SYAP1: variants seen among roughly 807,000 people sequenced by gnomAD.
SYAP1 encodes synapse associated protein 1, also known as synapse-associated protein 1.
A neutral mutation model predicts 29.6 loss-of-function variants in SYAP1; 3 were observed. The observed-to-expected ratio is 0.10, with a 90% CI of 0.05 to 0.26. The LOEUF (loss-of-function observed/expected upper bound fraction) is 0.26. SYAP1 is among the 10% of genes least tolerant of loss of function. The pLI is 1.00. For missense variants in SYAP1, 217 were observed against 264.1 expected, an observed-to-expected ratio of 0.82 and a Z score of 1.24; for synonymous variants, 102 against 102.7, an observed-to-expected ratio of 0.99 and a Z score of 0.04.
In SYAP1 at chrX:16,760,755, A is replaced by G. The variant is rs1255055676; in HGVS notation, c.*396A>G. ...TTAATTGATATGAGGGTGTTAAAGT[A>G]CCTACTTAATGGGTTGATTACTATC... On this transcript the variant is annotated 3_prime_UTR_variant, in exon 9 of 9. Transcript: ENST00000380155. The G allele has an allele frequency of 8.9e-6, 1 of 112,721 alleles. No homozygotes were observed. The highest frequency in any genetic ancestry group is 1.9e-5 in the Non-Finnish European group (1 of 53,823). 9.3% of individuals were successfully genotyped at this position (112,721 alleles called of 1,213,427 possible).
intron 1 of SYAP1, 92 bp downstream of exon 1, chrX:16,719,991 G>A (rs1159458865): frequency 1.1e-6 from 1 of 914,155 alleles, no homozygotes; most frequent in East Asian, 3.6e-5. Context: ...GCTGGGGGAT[G>A]AGGGGGCCGA....
chrX:16,749,468 C>T (rs1011045715), intron 5 of SYAP1, among the ~76,000 whole-genome samples: 4 of 111,627 alleles, frequency 3.6e-5, no homozygotes, highest in Non-Finnish European at 5.6e-5. Flanking sequence ...CCTCTATGAC[C>T]GCACCTCTCA....
intron 5 of SYAP1, among the ~76,000 whole-genome samples, chrX:16,747,389 C>T (rs1471151701): frequency 8.9e-6 from 1 of 112,072 alleles, no homozygotes; most frequent in African/African-American, 3.2e-5. Flanking sequence ...ACCCAAGCTC[C>T]GGGGTGCAGA....
chrX:16,753,766 G>A (rs1173297696), intron 5 of SYAP1, among the ~76,000 whole-genome samples: 1 of 111,411 alleles, frequency 9.0e-6, no homozygotes, highest in Non-Finnish European at 1.9e-5. Context: ...TCATGACGGA[G>A]GTCATTTTCA....
At chrX:16,728,754 G>C (rs1196849700) in intron 1 of SYAP1, among the ~76,000 whole-genome samples, 1 of 110,365 alleles carries the variant, frequency 9.1e-6, no homozygotes, top group Non-Finnish European at 1.9e-5. Context: ...AGACACAGTT[G>C]AGGCTGGGCA....
At chrX:16,744,431 G>C (rs773743461) in intron 5 of SYAP1, among the ~76,000 whole-genome samples, 3 of 112,840 alleles carry the variant, frequency 2.7e-5, no homozygotes, top group South Asian at 3.6e-4. Context: ...CGCATGTTTG[G>C]AGTCAGCGTT....
chrX:16,754,495 C>G (rs982133743), intron 5 of SYAP1, among the ~76,000 whole-genome samples: 1 of 111,326 alleles, frequency 9.0e-6, no homozygotes, highest in Non-Finnish European at 1.9e-5. Context: ...TTTGGGAGGC[C>G]GAGGCGGGCA....
intron 3 of SYAP1, among the ~76,000 whole-genome samples, chrX:16,737,152 G>A (rs754199950): frequency 1.8e-5 from 2 of 111,682 alleles, no homozygotes; most frequent in South Asian, 3.7e-4. Flanking sequence ...GCCAAGGCGC[G>A]AGGATCACTT....
chrX:16,737,061 T>G (rs1926346454), intron 3 of SYAP1, among the ~76,000 whole-genome samples: 1 of 111,928 alleles, frequency 8.9e-6, no homozygotes, highest in Non-Finnish European at 1.9e-5. Context: ...CTTACCATTT[T>G]GTAGCACCCA....
rs769404886 is a variant in SYAP1, at chrX:16,719,667, A to G, written c.-58A>G. 74 of 1,160,162 alleles carry G rather than the reference A, an allele frequency of 6.4e-5. No homozygotes were observed. Among genetic ancestry groups the G allele is most frequent in the South Asian group, 9.8e-5 (5 of 51,193 alleles). On this transcript the variant is annotated 5_prime_UTR_variant, in exon 1 of 9. Transcript: ENST00000380155. Reference sequence around the variant, plus strand: ...AGTCGCGCAGAGTGGAGTCAAAGGCAACCAGTGCTCGCTGCGGTCTCTGGG... The same window carrying G: ...AGTCGCGCAGAGTGGAGTCAAAGGCGACCAGTGCTCGCTGCGGTCTCTGGG...
In SYAP1 at chrX:16,764,060, A is replaced by G. The variant is rs1451277179; in HGVS notation, c.*3701A>G. On this transcript the variant is annotated 3_prime_UTR_variant, in exon 9 of 9. Coordinates refer to ENST00000380155, the MANE Select transcript of SYAP1 (RefSeq NM_032796.4). The stretch of plus-strand genomic sequence containing the variant: ...CGGCTAATTTTTGTATTTTTAGTAG[A>G]GACAGGGTTTCGCCATGTTGGTCAG... The G allele has an allele frequency of 1.8e-5, 2 of 110,229 alleles. No homozygotes were observed. Among genetic ancestry groups the G allele is most frequent in the African/African-American group, 6.6e-5 (2 of 30,369 alleles). 9.1% of individuals were successfully genotyped at this position (110,229 alleles called of 1,213,427 possible). A position where few individuals can be genotyped will look rare whatever the true frequency, so the allele number is the denominator to read the frequency against.
Position 16,760,504 on chromosome X carries a change from T to G in SYAP1, c.*145T>G. 1.9e-6 allele frequency: 1 copy of G among 515,455 alleles called. No individual in the cohort carries two copies. The allele number at this position is 515,455 out of a possible 1,213,427, so 42.5% of individuals were successfully genotyped here. ...TTCTTTTTTCAAGTTGAAACTTGCCTCTTCTACTTTAAAAAAGTATATAGA... is the reference window on the plus strand; with the variant it reads ...TTCTTTTTTCAAGTTGAAACTTGCCGCTTCTACTTTAAAAAAGTATATAGA... On this transcript the variant is annotated 3_prime_UTR_variant, in exon 9 of 9. Transcript: ENST00000380155.
In SYAP1 at chrX:16,762,590, T is replaced by C. The variant is rs770258165; in HGVS notation, c.*2231T>C. 8.9e-6 allele frequency: 1 copy of C among 112,174 alleles called. No homozygotes were observed. The highest frequency in any genetic ancestry group is 3.7e-4 in the South Asian group (1 of 2,721). 9.2% of individuals were successfully genotyped at this position (112,174 alleles called of 1,213,427 possible). ...ATCACCATGTTTGGTGGAAAATTTC[T>C]AAGTATTTATTACATGCCTAGGGGT... On this transcript the variant is annotated 3_prime_UTR_variant, in exon 9 of 9. Transcript: ENST00000380155.
At chrX:16,739,933 A>G (rs1033516837) in intron 3 of SYAP1, among the ~76,000 whole-genome samples, 2 of 111,288 alleles carry the variant, frequency 1.8e-5, no homozygotes, top group East Asian at 2.8e-4. Context: ...GAATGAGGCT[A>G]TTAAGGGCCC....
chrX:16,749,304 C>T (rs1447236426), intron 5 of SYAP1, among the ~76,000 whole-genome samples: 1 of 111,138 alleles, frequency 9.0e-6, no homozygotes, highest in Non-Finnish European at 1.9e-5. Flanking sequence ...ATCCTCCTGC[C>T]TCAGCCTCCC....
chrX:16,722,326 G>A (rs1461389243), intron 1 of SYAP1, among the ~76,000 whole-genome samples: 5 of 110,921 alleles, frequency 4.5e-5, no homozygotes, highest in African/African-American at 9.8e-5. Context: ...TCAGGAGATC[G>A]AGACCAGCCT....
At chrX:16,747,840 TC>T (rs1325554106) in intron 5 of SYAP1, among the ~76,000 whole-genome samples, 2 of 112,280 alleles carry the variant, frequency 1.8e-5, no homozygotes, top group Non-Finnish European at 3.8e-5. Flanking sequence ...CCCATCACTT[TC>T]GGAGGCCGAG....
intron 5 of SYAP1, among the ~76,000 whole-genome samples, chrX:16,750,516 C>T (rs1056923726): frequency 9.0e-5 from 10 of 111,439 alleles, no homozygotes; most frequent in African/African-American, 3.3e-4. Context: ...CACATGGCAC[C>T]ATAATTCCAC....
At chrX:16,742,143 GT>G (rs144175479) in intron 4 of SYAP1, among the ~76,000 whole-genome samples, 578 of 41,837 alleles carry the variant, frequency 0.014, no homozygotes, top group African/African-American at 0.061. Context: ...TTTTTGTGTG[GT>G]TTTTTTTTTT....
Sources: gnomAD v4.1 joint callset for allele counts (sites outside exome capture counted in the v4.1 genomes callset) on GRCh38, gnomAD v4.1.1 for gene constraint, MANE v1.5 for transcripts, NCBI Gene and HGNC (gene_info 2026-07-23, HGNC 2026-07-21) for gene names.